Variants in RHBDL3 observed in about 807,000 individuals in gnomAD.
The protein encoded by RHBDL3 is rhomboid like 3.
Under a neutral mutation model 48.2 loss-of-function variants are expected in RHBDL3, and 28 were observed. The ratio of observed to expected loss-of-function variants is 0.58; its 90% confidence interval spans 0.43 to 0.80. RHBDL3 has a LOEUF of 0.80. Among genes scored for constraint, RHBDL3 ranks in the 30% least tolerant of loss-of-function variants. RHBDL3 has a pLI of 0.00. For missense variants in RHBDL3, 464 were observed against 542.7 expected (o/e 0.85, Z 1.44); for synonymous variants, 208 against 232.3 (o/e 0.90, Z 0.95).
At chr17:32,287,003 G>C (rs931961629) in intron 3 of RHBDL3, among the ~76,000 whole-genome samples, 1 of 152,190 alleles carries the variant, frequency 6.6e-6, no homozygotes, top group Non-Finnish European at 1.5e-5. Flanking sequence ...CTAAGTATGA[G>C]TACCCGGGGA....
intron 2 of RHBDL3, among the ~76,000 whole-genome samples, chr17:32,271,037 T>C (rs2039761617): frequency 6.6e-6 from 1 of 152,130 alleles, no homozygotes; most frequent in African/African-American, 2.4e-5. Flanking sequence ...CTCCGTTTTT[T>C]AAAAGTTTAA....
intron 2 of RHBDL3, among the ~76,000 whole-genome samples, chr17:32,272,623 G>A (rs899865371): frequency 5.9e-5 from 9 of 152,182 alleles, no homozygotes; most frequent in African/African-American, 2.2e-4. Context: ...CTTCACCACA[G>A]AGCCTGCTTC....
intron 2 of RHBDL3, among the ~76,000 whole-genome samples, chr17:32,270,608 C>G (rs547351212): frequency 6.6e-6 from 1 of 152,174 alleles, no homozygotes; most frequent in South Asian, 2.1e-4. Flanking sequence ...ATCCCCCTCC[C>G]TGGCATTGTG....
intron 2 of RHBDL3, among the ~76,000 whole-genome samples, chr17:32,269,380 A>G (rs539368626): frequency 3.3e-5 from 5 of 152,180 alleles, no homozygotes; most frequent in Admixed American, 2.0e-4. Flanking sequence ...TGGAGTGAGG[A>G]GAGACGTTTG....
At chr17:32,267,792 C>G (rs1000483502) in intron 1 of RHBDL3, 110 bp from the exon 2 acceptor site, 5 of 1,585,562 alleles carry the variant, frequency 3.2e-6, no homozygotes, top group Non-Finnish European at 2.6e-6. Flanking sequence ...CCTGGGCAGC[C>G]GCTGGGAGGC....
At chr17:32,278,199 G>A (rs2039958431) in intron 2 of RHBDL3, among the ~76,000 whole-genome samples, 1 of 152,204 alleles carries the variant, frequency 6.6e-6, no homozygotes, top group Admixed American at 6.5e-5. Context: ...TCGGGAGGCT[G>A]AGGCAGGAAA....
At position 32,295,405 on chromosome 17, in the gene RHBDL3, G is replaced by T. The variant is rs1344514136; in HGVS notation, c.668+963G>T. Among the ~76,000 whole-genome samples, 5 of 152,206 alleles carry T rather than the reference G, an allele frequency of 3.3e-5. No homozygotes were observed. In the East Asian group the frequency reaches 9.6e-4, roughly 29 times the overall value. ...GAACGCCTCTGCTCAGGCCAAAGAG[G>T]ACCATTGGTACATGCTGCTTACCTT... On this transcript the variant is annotated intron_variant, in intron 5 of 8. Transcript: ENST00000269051.
At position 32,322,264 on chromosome 17, in the gene RHBDL3, T is replaced by C. The variant is rs555136019; in HGVS notation, c.*1035T>C. On this transcript the variant is annotated 3_prime_UTR_variant, in exon 9 of 9. Coordinates refer to ENST00000269051, the MANE Select transcript of RHBDL3 (RefSeq NM_138328.3). Reference sequence around the variant, plus strand: ...GGTGGCAGACCGTGGTGTGCTGTGGTTGCTGAATGTCCTTGCTTTGACAAA... The same window carrying C: ...GGTGGCAGACCGTGGTGTGCTGTGGCTGCTGAATGTCCTTGCTTTGACAAA... 119 of 152,602 alleles carry C rather than the reference T, an allele frequency of 7.8e-4. No individual in the cohort carries two copies. The highest frequency in any genetic ancestry group is 1.2e-3 in the Non-Finnish European group (85 of 68,246). 9.5% of individuals were successfully genotyped at this position (152,602 alleles called of 1,614,324 possible). A position where few individuals can be genotyped will look rare whatever the true frequency, so the allele number is the denominator to read the frequency against.
At chr17:32,292,775 C>T (rs2150721784) in intron 4 of RHBDL3, among the ~76,000 whole-genome samples, 1 of 135,590 alleles carries the variant, frequency 7.4e-6, no homozygotes, top group East Asian at 2.2e-4. Context: ...GCACTCCAGC[C>T]TGGGCGACAG....
At chr17:32,272,571 C>T (rs1291814991) in intron 2 of RHBDL3, among the ~76,000 whole-genome samples, 1 of 152,204 alleles carries the variant, frequency 6.6e-6, no homozygotes, top group South Asian at 2.1e-4. Flanking sequence ...CCCCCAACTC[C>T]TTATCAAGTG....
intron 6 of RHBDL3, among the ~76,000 whole-genome samples, chr17:32,300,482 A>T (rs1446469655): frequency 9.9e-5 from 15 of 152,144 alleles, no homozygotes; most frequent in African/African-American, 3.6e-4. Context: ...TGAGCCCAGA[A>T]GTGCAAGGCT....
In RHBDL3 at chr17:32,321,290, G is replaced by C. The variant is rs368559855; in HGVS notation, c.*61G>C. ...AGCAGCACCCACAGGGAGCGCCTGC[G>C]AGGTTTCTTCTCATCACCAGCTCAG... On this transcript the variant is annotated 3_prime_UTR_variant, in exon 9 of 9. Coordinates refer to ENST00000269051, the MANE Select transcript of RHBDL3 (RefSeq NM_138328.3). 3 of 1,608,058 alleles carry C rather than the reference G, an allele frequency of 1.9e-6. No homozygotes were observed. The Admixed American group carries it at 5.1e-5, about 27-fold the overall frequency.
intron 7 of RHBDL3, among the ~76,000 whole-genome samples, chr17:32,310,225 C>A (rs2040811201): frequency 6.6e-6 from 1 of 152,130 alleles, no homozygotes; most frequent in East Asian, 1.9e-4. Context: ...ACAAACTGAA[C>A]CACATTGTCA....
chr17:32,309,832 T>C (rs1470289221), intron 7 of RHBDL3, among the ~76,000 whole-genome samples: 1 of 143,374 alleles, frequency 7.0e-6, no homozygotes, highest in African/African-American at 2.6e-5. Flanking sequence ...CAGGCTGGAG[T>C]GCAATGGGGT....
At chr17:32,267,662 CCG>C in intron 1 of RHBDL3, 1 of 468,244 alleles carries the variant, frequency 2.1e-6, no homozygotes, top group Non-Finnish European at 3.2e-6. Context: ...CTTGCCGCCC[CCG>C]CCCCCACCCC....
chr17:32,322,441 C>CT lies in RHBDL3; in HGVS notation c.*1213dup, dbSNP rs1272776259. 1.3e-5 allele frequency: 2 copies of CT among 152,300 alleles called. No homozygotes were observed. Among genetic ancestry groups the CT allele is most frequent in the Non-Finnish European group, 2.9e-5 (2 of 68,104 alleles). The allele number at this position is 152,300 out of a possible 1,614,324, so 9.4% of individuals were successfully genotyped here. On this transcript the variant is annotated 3_prime_UTR_variant, in exon 9 of 9. Transcript: ENST00000269051. The stretch of plus-strand genomic sequence containing the variant: ...TGCCAGGTTCAGCTCTTGTTTCCGT[C>CT]TGAGATGGCCTTCATATCCAAAAAG...
intron 8 of RHBDL3, among the ~76,000 whole-genome samples, chr17:32,320,603 T>C (rs2041103131): frequency 6.6e-6 from 1 of 152,128 alleles, no homozygotes; most frequent in Non-Finnish European, 1.5e-5. Flanking sequence ...AGATTACAGG[T>C]GTGAGCCGCC....
chr17:32,283,098 C>T (rs528609248), intron 2 of RHBDL3, among the ~76,000 whole-genome samples: 1 of 152,126 alleles, frequency 6.6e-6, no homozygotes. Flanking sequence ...CACATACATC[C>T]TCAATGTCTG....
intron 7 of RHBDL3, among the ~76,000 whole-genome samples, chr17:32,312,503 G>A (rs1370103023): frequency 6.6e-6 from 1 of 152,082 alleles, no homozygotes; most frequent in Non-Finnish European, 1.5e-5. Flanking sequence ...GCTCATGCCT[G>A]TAATCCCAGC....
Sources: allele counts gnomAD v4.1 joint callset (sites outside exome capture counted in the v4.1 genomes callset), GRCh38; gene constraint gnomAD v4.1.1; transcripts MANE v1.5; gene names NCBI Gene and HGNC (gene_info 2026-07-23, HGNC 2026-07-21).